The following ANKFN1 variants were observed in gnomAD, a reference collection of about 807,000 sequenced individuals.
ANKFN1 encodes ankyrin repeat and fibronectin type III domain containing 1, also known as ankyrin repeat and fibronectin type-III domain-containing protein 1.
ANKFN1 carries 74 observed loss-of-function variants against 108.7 expected under a neutral mutation model. The observed-to-expected ratio is 0.68, with a 90% CI of 0.56 to 0.83. The LOEUF is 0.83. Ranked by LOEUF, ANKFN1 falls within the 40% of genes least tolerant of loss-of-function variation. The probability of loss-of-function intolerance (pLI) is 0.00; values close to 1 mark genes in which losing one functional copy is unlikely to be tolerated. For synonymous variants in ANKFN1, 547 were observed against 516.2 expected (o/e 1.06, Z -0.81); for missense variants, 1,505 against 1,382.3 (o/e 1.09, Z -1.41).
chr17:56,211,833 A>G (rs1197513094), intron 1 of ANKFN1, among the ~76,000 whole-genome samples: 1 of 151,708 alleles, frequency 6.6e-6, no homozygotes, highest in South Asian at 2.1e-4. Flanking sequence ...GGTTAAGTAA[A>G]TTCTAAGTAT....
rs2043494640 is a variant in ANKFN1, at chr17:56,260,925, C to T, written c.53+32968C>T. Among the ~76,000 whole-genome samples the T allele has an allele frequency of 2.6e-5, 4 of 152,216 alleles. No homozygotes were observed. In the South Asian group the frequency reaches 6.2e-4, roughly 24 times the overall value. On this transcript the variant is annotated intron_variant, in intron 3 of 20. Transcript: ENST00000682825. The stretch of plus-strand genomic sequence containing the variant: ...AATGACAGAGAGAGTTAACTTACTC[C>T]TCTTTTGAGAGCATGCAAATACAGT...
At chr17:56,348,928 A>G (rs1041659463) in intron 4 of ANKFN1, among the ~76,000 whole-genome samples, 1 of 152,186 alleles carries the variant, frequency 6.6e-6, no homozygotes, top group Non-Finnish European at 1.5e-5. Context: ...ACATGCATGC[A>G]TATATTCACT....
chr17:56,186,201 T>C (rs1912187276), intron 1 of ANKFN1, among the ~76,000 whole-genome samples: 1 of 152,212 alleles, frequency 6.6e-6, no homozygotes, highest in African/African-American at 2.4e-5. Flanking sequence ...CCATGTAGTA[T>C]ACTGAACAAG....
chr17:56,051,822 G>T (rs373193123), intron 4 of ANKFN1, among the ~76,000 whole-genome samples: 3 of 151,424 alleles, frequency 2.0e-5, no homozygotes, highest in Non-Finnish European at 4.4e-5. Flanking sequence ...ATTCACAATT[G>T]CTTCAAAGAG....
intron 3 of ANKFN1, among the ~76,000 whole-genome samples, chr17:56,312,673 T>C (rs1201674359): frequency 6.6e-6 from 1 of 152,156 alleles, no homozygotes; most frequent in Non-Finnish European, 1.5e-5. Flanking sequence ...CAAACCTGCA[T>C]CTGATTTTGT....
rs540591004 is a variant in ANKFN1, at chr17:56,286,167, A to G, written c.54-40054A>G. ...AGACTCAACATCTCTTACTCCCAGC[A>G]TCATCTCAAACATTACGAATGGAAA... is the stretch of plus-strand genomic sequence containing the variant. On this transcript the variant is annotated intron_variant, in intron 3 of 20. Coordinates refer to ENST00000682825, the MANE Select transcript of ANKFN1 (RefSeq NM_001370326.1). Among the ~76,000 whole-genome samples, 4 of 152,262 alleles carry G rather than the reference A, an allele frequency of 2.6e-5. No homozygotes were observed. The South Asian group carries it at 6.2e-4, about 24-fold the overall frequency.
chr17:56,465,273 T>C (rs932071827), intron 14 of ANKFN1, among the ~76,000 whole-genome samples: 1 of 152,202 alleles, frequency 6.6e-6, no homozygotes, highest in Non-Finnish European at 1.5e-5. Flanking sequence ...TCTTGCCAAA[T>C]GAATTTTTAT....
At chr17:56,156,025 G>A (rs1172225182) in intron 1 of ANKFN1, among the ~76,000 whole-genome samples, 1 of 151,628 alleles carries the variant, frequency 6.6e-6, no homozygotes, top group East Asian at 1.9e-4. Context: ...TGTGTAATTT[G>A]GGCAAGTTAT....
At chr17:56,476,923 C>G (rs2050519770) in intron 15 of ANKFN1, among the ~76,000 whole-genome samples, 1 of 152,200 alleles carries the variant, frequency 6.6e-6, no homozygotes, top group Non-Finnish European at 1.5e-5. Flanking sequence ...ATTATAGCTA[C>G]AACTTAAATG....
At chr17:56,353,271 C>T (rs887248838) in intron 5 of ANKFN1, among the ~76,000 whole-genome samples, 22 of 150,736 alleles carry the variant, frequency 1.5e-4, no homozygotes, top group Middle Eastern at 3.4e-3. Flanking sequence ...CGTCTCTCTC[C>T]GTTGTGCAGG....
At chr17:56,240,480 TA>T (rs1054598033) in intron 3 of ANKFN1, among the ~76,000 whole-genome samples, 5 of 152,100 alleles carry the variant, frequency 3.3e-5, no homozygotes, top group Admixed American at 6.6e-5. Flanking sequence ...ATTTTTGCTA[TA>T]AAAAAATACT....
At chr17:56,054,940 A>G (rs1381776587) in intron 4 of ANKFN1, among the ~76,000 whole-genome samples, 1 of 152,144 alleles carries the variant, frequency 6.6e-6, no homozygotes, top group Non-Finnish European at 1.5e-5. Context: ...AAATTGCTAA[A>G]GAATACAAAT....
intron 11 of ANKFN1, 33 bp from the exon 12 acceptor site, chr17:56,456,828 A>G: frequency 6.3e-7 from 1 of 1,578,260 alleles, no homozygotes; most frequent in Non-Finnish European, 8.7e-7. Context: ...TGCCCAGTGG[A>G]ATTTATACTG....
chr17:56,511,050 G>A lies in ANKFN1; in HGVS notation c.3222G>A (p.Glu1074=), dbSNP rs2051742973. ...LTLAHAASLP[E]ERNSSLQDAR... ...TGGCCCACGCTGCCAGCCTTCCTGAGGAGCGGAACAGCAGTCTCCAGGACG... is the reference window on the plus strand; with the variant it reads ...TGGCCCACGCTGCCAGCCTTCCTGAAGAGCGGAACAGCAGTCTCCAGGACG... The change falls in exon 21 of 21, where the codon GAG becomes GAA. Residue 1074 remains glutamate (E), a synonymous_variant. Coordinates refer to ENST00000682825, the MANE Select transcript of ANKFN1 (RefSeq NM_001370326.1). 1.3e-6 allele frequency: 2 copies of A among 1,535,906 alleles called. No homozygotes were observed. The highest frequency in any genetic ancestry group is 2.4e-5 in the East Asian group (1 of 40,924).
In ANKFN1 at chr17:56,511,182, C is replaced by G; in HGVS notation, c.3354C>G (p.Ile1118Met). 1 of 1,536,062 alleles carries G rather than the reference C, an allele frequency of 6.5e-7. No homozygotes were observed. Among genetic ancestry groups the G allele is most frequent in the Middle Eastern group, 1.7e-4 (1 of 5,974 alleles). The change falls in exon 21 of 21, where the codon ATC becomes ATG. Residue 1118 changes from isoleucine to methionine, a missense_variant. By Grantham distance (10) the Ile-to-Met change is conservative (BLOSUM62 1). Coordinates refer to ENST00000682825, the MANE Select transcript of ANKFN1 (RefSeq NM_001370326.1). ...ASLSPPSGGR[I>M]TLPSPTGPDV... Reference sequence around the variant, plus strand: ...TGAGCCCGCCCTCTGGAGGCCGCATCACCCTGCCCAGCCCCACTGGCCCCG... The same window carrying G: ...TGAGCCCGCCCTCTGGAGGCCGCATGACCCTGCCCAGCCCCACTGGCCCCG...
At chr17:56,489,264 C>T (rs931369556) in intron 18 of ANKFN1, among the ~76,000 whole-genome samples, 1 of 152,132 alleles carries the variant, frequency 6.6e-6, no homozygotes, top group African/African-American at 2.4e-5. Flanking sequence ...TGTGGTCCAG[C>T]TAATGACATT....
chr17:56,386,825 C>T (rs1023215294), intron 8 of ANKFN1, among the ~76,000 whole-genome samples: 2 of 151,702 alleles, frequency 1.3e-5, no homozygotes, highest in African/African-American at 2.4e-5. Flanking sequence ...TATCCTTTAT[C>T]GGATTTAAGA....
chr17:56,124,664 A>T (rs1330914231), intron 4 of ANKFN1, among the ~76,000 whole-genome samples: 1 of 152,144 alleles, frequency 6.6e-6, no homozygotes, highest in African/African-American at 2.4e-5. Flanking sequence ...AACTCTCATT[A>T]CTTTTCTTGG....
chr17:56,280,572 A>G (rs1406374675), intron 3 of ANKFN1, among the ~76,000 whole-genome samples: 1 of 152,112 alleles, frequency 6.6e-6, no homozygotes, highest in African/African-American at 2.4e-5. Context: ...CAGCTTGCAG[A>G]TGGCATATTG....
Sources: gnomAD v4.1 joint callset for allele counts (sites outside exome capture counted in the v4.1 genomes callset) on GRCh38, gnomAD v4.1.1 for gene constraint, MANE v1.5 for transcripts, NCBI Gene and HGNC (gene_info 2026-07-23, HGNC 2026-07-21) for gene names.